Variants in SCFD1 observed in about 807,000 individuals in gnomAD.
SCFD1 encodes the protein sec1 family domain-containing protein 1.
Under a neutral mutation model 103.2 loss-of-function variants are expected in SCFD1, and 37 were observed. The observed-to-expected ratio is 0.36, with a 90% CI of 0.28 to 0.47. The LOEUF (loss-of-function observed/expected upper bound fraction) is 0.47, where lower values mean the gene tolerates loss of function less well. SCFD1 is among the 20% of genes least tolerant of loss of function. The pLI is 1.00. For missense variants in SCFD1, 639 were observed against 761.2 expected (o/e 0.84, Z 1.89); for synonymous variants, 264 against 245.0 (o/e 1.08, Z -0.73).
At chr14:30,622,268 G>A (rs1374752971), upstream of SCFD1, 27 of 1,577,654 alleles carry the variant, frequency 1.7e-5, no homozygotes, top group Non-Finnish European at 2.1e-5. Context: ...CTTTGCTTCC[G>A]GGGCGGTAAG....
intron 23 of SCFD1, among the ~76,000 whole-genome samples, chr14:30,725,078 AC>A (rs1328212163): frequency 6.6e-6 from 1 of 152,174 alleles, no homozygotes; most frequent in African/African-American, 2.4e-5. Flanking sequence ...TGTTTTGGCT[AC>A]TGTATAGCCC....
At chr14:30,728,854 TTTC>T (rs1377203580) in intron 23 of SCFD1, among the ~76,000 whole-genome samples, 18 of 146,074 alleles carry the variant, frequency 1.2e-4, no homozygotes, top group Admixed American at 9.4e-4. Context: ...TTTTTTTTTT[TTTC>T]CCCCCGAGAC....
intron 14 of SCFD1, among the ~76,000 whole-genome samples, chr14:30,677,644 T>C (rs1228105934): frequency 6.6e-6 from 1 of 151,974 alleles, no homozygotes; most frequent in Non-Finnish European, 1.5e-5. Flanking sequence ...TTTTCATAAC[T>C]CTTAAATTTC....
chr14:30,724,288 C>T (rs1193942393), intron 23 of SCFD1, among the ~76,000 whole-genome samples: 1 of 121,820 alleles, frequency 8.2e-6, no homozygotes, highest in Non-Finnish European at 1.6e-5. Context: ...AGTCTTACTC[C>T]ATCGCCCAGG....
intron 1 of SCFD1, among the ~76,000 whole-genome samples, chr14:30,625,184 T>A (rs967619146): frequency 6.6e-6 from 1 of 152,126 alleles, no homozygotes; most frequent in Non-Finnish European, 1.5e-5. Context: ...CCCCAATAAC[T>A]ACAGTGCCTG....
chr14:30,671,046 TTCA>T (rs1411585245), intron 11 of SCFD1, among the ~76,000 whole-genome samples: 2 of 152,154 alleles, frequency 1.3e-5, no homozygotes, highest in South Asian at 2.1e-4. Flanking sequence ...AAGAATACTG[TTCA>T]TCAACAATTA....
chr14:30,725,960 A>T (rs1318441607), intron 23 of SCFD1, among the ~76,000 whole-genome samples: 1 of 152,198 alleles, frequency 6.6e-6, no homozygotes, highest in African/African-American at 2.4e-5. Flanking sequence ...CACTAGTTAG[A>T]ACATTTCATT....
chr14:30,642,464 T>G lies in SCFD1; in HGVS notation c.524-852T>G, dbSNP rs560390272. Among the ~76,000 whole-genome samples the G allele has an allele frequency of 2.0e-5, 3 of 152,296 alleles. No homozygotes were observed. The South Asian group carries it at 6.2e-4, about 32-fold the overall frequency. On this transcript the variant is annotated intron_variant, in intron 6 of 24. Coordinates refer to ENST00000458591, the MANE Select transcript of SCFD1 (RefSeq NM_016106.4). ...AAGGAAAGGGATAAGAATCTTTAAT[T>G]TTTAAAAACGTCCAGAGAATTTTTC...
intron 14 of SCFD1, among the ~76,000 whole-genome samples, chr14:30,677,068 G>C (rs965966304): frequency 3.3e-5 from 5 of 152,130 alleles, no homozygotes; most frequent in African/African-American, 1.2e-4. Flanking sequence ...GTTCCCTTTA[G>C]GGTTGCTAGT....
intron 1 of SCFD1, among the ~76,000 whole-genome samples, 157 bp from the exon 2 acceptor site, chr14:30,628,052 C>G (rs947169170): frequency 2.7e-5 from 4 of 149,826 alleles, no homozygotes; most frequent in Non-Finnish European, 4.5e-5. Flanking sequence ...AATAGTCTTA[C>G]AAGATCTGAC....
At chr14:30,625,099 T>C (rs1883247758) in intron 1 of SCFD1, among the ~76,000 whole-genome samples, 1 of 152,200 alleles carries the variant, frequency 6.6e-6, no homozygotes, top group Admixed American at 6.5e-5. Context: ...TATTTTATTT[T>C]TTTTATCCCC....
At chr14:30,653,353 A>C (rs1478554902) in intron 9 of SCFD1, 136 bp from the exon 10 acceptor site, 1 of 613,458 alleles carries the variant, frequency 1.6e-6, no homozygotes, top group Non-Finnish European at 2.8e-6. Flanking sequence ...ATACTAAAAA[A>C]CAAAGTATTA....
chr14:30,706,499 G>GTC (rs1286166116), intron 18 of SCFD1, among the ~76,000 whole-genome samples: 2 of 152,126 alleles, frequency 1.3e-5, no homozygotes, highest in East Asian at 3.9e-4. Context: ...TTATAACATA[G>GTC]TTTTCATTTT....
intron 10 of SCFD1, among the ~76,000 whole-genome samples, chr14:30,656,446 G>T (rs1436593342): frequency 6.6e-6 from 1 of 152,082 alleles, no homozygotes; most frequent in African/African-American, 2.4e-5. Context: ...TTGTTGGGGG[G>T]CAGGGGGAGC....
chr14:30,673,418 T>G (rs1238876238), intron 12 of SCFD1, 71 bp downstream of exon 12: 10 of 763,084 alleles, frequency 1.3e-5, no homozygotes, highest in Non-Finnish European at 2.0e-5. Flanking sequence ...GAGATTTGGG[T>G]TTTTTTCCTT....
At chr14:30,681,287 A>G (rs1176907004) in intron 14 of SCFD1, among the ~76,000 whole-genome samples, 1 of 151,956 alleles carries the variant, frequency 6.6e-6, no homozygotes, top group Non-Finnish European at 1.5e-5. Flanking sequence ...TCTGAGAGCC[A>G]TAAAAAACAA....
At chr14:30,671,308 C>T (rs997632657) in intron 11 of SCFD1, among the ~76,000 whole-genome samples, 7 of 151,960 alleles carry the variant, frequency 4.6e-5, no homozygotes, top group African/African-American at 9.7e-5. Context: ...CTCACTATGG[C>T]AGTTTTAGGT....
chr14:30,684,529 T>A (rs1303042986), intron 14 of SCFD1, among the ~76,000 whole-genome samples: 1 of 152,068 alleles, frequency 6.6e-6, no homozygotes, highest in Admixed American at 6.6e-5. Flanking sequence ...GTAAAATCAG[T>A]CTGATTGTTT....
At chr14:30,683,317 T>G in intron 14 of SCFD1, 1 of 683,432 alleles carries the variant, frequency 1.5e-6, no homozygotes, top group Non-Finnish European at 2.5e-6. Context: ...GAATTTCACC[T>G]GGGTGCATTG....
Sources: allele counts gnomAD v4.1 joint callset (sites outside exome capture counted in the v4.1 genomes callset), GRCh38; gene constraint gnomAD v4.1.1; transcripts MANE v1.5; gene names NCBI Gene and HGNC (gene_info 2026-07-23, HGNC 2026-07-21).